Variants in TLL2 observed in about 807,000 individuals in gnomAD.
TLL2 encodes the protein tolloid-like protein 2.
Under a neutral mutation model 123.0 loss-of-function variants are expected in TLL2, and 106 were observed. The ratio of observed to expected loss-of-function variants is 0.86; its 90% CI spans 0.74 to 1.01. The LOEUF is 1.01. TLL2 is among the 50% of genes least tolerant of loss of function. The pLI, the probability that TLL2 is intolerant of heterozygous loss-of-function variation, is 0.00. For missense variants in TLL2, 1,332 were observed against 1,336.7 expected (o/e 1.00, Z 0.06); for synonymous variants, 494 against 516.8 (o/e 0.96, Z 0.60).
intron 16 of TLL2, among the ~76,000 whole-genome samples, chr10:96,382,380 G>A (rs1052941591): frequency 2.0e-5 from 3 of 152,238 alleles, no homozygotes; most frequent in African/African-American, 7.2e-5. Context: ...GGGCCCTTCC[G>A]AGAACAGGCT....
intron 3 of TLL2, among the ~76,000 whole-genome samples, chr10:96,443,046 C>T (rs1846864492): frequency 6.6e-6 from 1 of 152,124 alleles, no homozygotes; most frequent in Non-Finnish European, 1.5e-5. Context: ...GTCTGACTGT[C>T]CAAGTTTATA....
At chr10:96,479,126 T>G (rs1847286665) in intron 2 of TLL2, among the ~76,000 whole-genome samples, 2 of 152,192 alleles carry the variant, frequency 1.3e-5, no homozygotes, top group African/African-American at 4.8e-5. Context: ...GTATTAAAAA[T>G]AATTGAAAAC....
chr10:96,385,346 T>C (rs1020967258), intron 15 of TLL2, among the ~76,000 whole-genome samples: 1 of 152,208 alleles, frequency 6.6e-6, no homozygotes, highest in Non-Finnish European at 1.5e-5. Context: ...TCTTATCAAT[T>C]GCTTTCAAGG....
chr10:96,389,615 G>C (rs1846265630), intron 13 of TLL2, among the ~76,000 whole-genome samples: 2 of 152,192 alleles, frequency 1.3e-5, no homozygotes, highest in Non-Finnish European at 2.9e-5. Flanking sequence ...CAAGGAAAGA[G>C]CCCATTGGGA....
intron 2 of TLL2, among the ~76,000 whole-genome samples, chr10:96,472,947 C>A (rs914722290): frequency 2.0e-5 from 3 of 152,050 alleles, no homozygotes; most frequent in Non-Finnish European, 4.4e-5. Context: ...CCCTGTAATG[C>A]CTGATAGCCT....
At chr10:96,398,157 G>C (rs998610050) in intron 10 of TLL2, among the ~76,000 whole-genome samples, 10 of 152,164 alleles carry the variant, frequency 6.6e-5, no homozygotes, top group African/African-American at 1.9e-4. Context: ...ATGATTCCAG[G>C]CCCAAGAGGG....
chr10:96,415,729 G>GTCTC (rs149968045), intron 7 of TLL2, among the ~76,000 whole-genome samples: 3 of 8,576 alleles, frequency 3.5e-4, no homozygotes, highest in Non-Finnish European at 6.5e-4. Context: ...CTCTCTCTCT[G>GTCTC]TCTCTCTCTG....
At chr10:96,485,855 A>C (rs1252202675) in intron 1 of TLL2, among the ~76,000 whole-genome samples, 1 of 152,190 alleles carries the variant, frequency 6.6e-6, no homozygotes, top group Non-Finnish European at 1.5e-5. Flanking sequence ...TTGGCACAAG[A>C]CAGTCCACGG....
rs1846140844 is a variant in TLL2, at chr10:96,376,711, G to A, written c.2429C>T (p.Ala810Val). The A allele has an allele frequency of 3.1e-6, 5 of 1,609,922 alleles. No individual in the cohort carries two copies. The East Asian group carries it at 1.1e-4, about 36-fold the overall frequency. Residue 810 changes from alanine (A) to valine (V), a missense_variant, in exon 18 of 21, where the codon GCA becomes GTA. Ala to Val is a moderately conservative substitution (Grantham distance 64). Transcript: ENST00000357947. ...ACTCACGAGTTTCACTCTGTGGCCT[G>A]CAGTCGAAGAGATGTTCCAGGTACA... is the stretch of plus-strand genomic sequence containing the variant. ...RECTWNISSTAGHRVKLTFNE... is the reference protein window; with the variant it reads ...RECTWNISSTVGHRVKLTFNE...
chr10:96,422,493 C>G (rs1253681563), intron 6 of TLL2, 56 bp downstream of exon 6: 18 of 1,601,146 alleles, frequency 1.1e-5, no homozygotes, highest in Non-Finnish European at 1.5e-5. Context: ...CCTCCTGTCC[C>G]TGAGGTTGCC....
At chr10:96,458,823 A>C (rs56219083) in intron 2 of TLL2, among the ~76,000 whole-genome samples, 13,191 of 152,010 alleles carry the variant, frequency 0.087, 680 homozygotes, top group Non-Finnish European at 0.11. Flanking sequence ...GGCCAGGAGC[A>C]GTGGCTCACA....
At chr10:96,393,038 C>A (rs1846303288) in intron 13 of TLL2, among the ~76,000 whole-genome samples, 1 of 152,176 alleles carries the variant, frequency 6.6e-6, no homozygotes, top group African/African-American at 2.4e-5. Flanking sequence ...CCATTACTGG[C>A]TTTGACCATG....
chr10:96,442,645 G>A (rs972139061), intron 3 of TLL2, among the ~76,000 whole-genome samples: 2 of 152,196 alleles, frequency 1.3e-5, no homozygotes, highest in African/African-American at 4.8e-5. Context: ...TGCAGACTAG[G>A]GCACTGCTAT....
At chr10:96,438,121 C>T (rs988321711) in intron 3 of TLL2, among the ~76,000 whole-genome samples, 3 of 152,100 alleles carry the variant, frequency 2.0e-5, no homozygotes, top group African/African-American at 7.2e-5. Context: ...TTAGAATAAG[C>T]TTGTCTATGC....
chr10:96,444,081 G>C (rs1294030283), intron 3 of TLL2, among the ~76,000 whole-genome samples: 1 of 152,158 alleles, frequency 6.6e-6, no homozygotes. Flanking sequence ...GCAGTCAGAG[G>C]AGTACAAATT....
chr10:96,384,063 G>A (rs529738523), intron 16 of TLL2, among the ~76,000 whole-genome samples: 1 of 152,274 alleles, frequency 6.6e-6, no homozygotes, highest in East Asian at 1.9e-4. Context: ...AGAATCTTGA[G>A]ATGAAATCAT....
At chr10:96,393,558 TCA>T (rs1375068651) in intron 13 of TLL2, among the ~76,000 whole-genome samples, 3 of 152,148 alleles carry the variant, frequency 2.0e-5, no homozygotes, top group African/African-American at 7.2e-5. Context: ...TGCTGCCAAG[TCA>T]GACAGGGGCC....
At chr10:96,442,184 C>T (rs1437920581) in intron 3 of TLL2, among the ~76,000 whole-genome samples, 1 of 152,136 alleles carries the variant, frequency 6.6e-6, no homozygotes, top group Non-Finnish European at 1.5e-5. Context: ...CAGCCCTTTC[C>T]CCCTCCCCAA....
chr10:96,462,547 A>G (rs889368716), intron 2 of TLL2, among the ~76,000 whole-genome samples: 1 of 152,208 alleles, frequency 6.6e-6, no homozygotes, highest in African/African-American at 2.4e-5. Flanking sequence ...TCTAGTATAA[A>G]GTACAGTACT....
Sources: gnomAD v4.1 joint callset for allele counts (sites outside exome capture counted in the v4.1 genomes callset) on GRCh38, gnomAD v4.1.1 for gene constraint, MANE v1.5 for transcripts, NCBI Gene and HGNC (gene_info 2026-07-23, HGNC 2026-07-21) for gene names.